PACS2: variants seen among roughly 807,000 people sequenced by gnomAD.
PACS2 encodes the protein PACS1-like protein.
Under a neutral mutation model 113.0 loss-of-function variants are expected in PACS2, and 36 were observed. That is an observed-to-expected ratio of 0.32 (90% confidence interval 0.24 to 0.42). PACS2 has a LOEUF of 0.42. PACS2 is among the 10% of genes least tolerant of loss of function. The pLI, the probability that PACS2 is intolerant of heterozygous loss-of-function variation, is 1.00. For missense variants in PACS2, 1,015 were observed against 1,239.5 expected (o/e 0.82, Z 2.72); for synonymous variants, 589 against 536.1 (o/e 1.10, Z -1.36).
chr14:105,316,660 T>C (rs1320087766), intron 1 of PACS2, among the ~76,000 whole-genome samples: 1 of 151,848 alleles, frequency 6.6e-6, no homozygotes, highest in Non-Finnish European at 1.5e-5. Flanking sequence ...TGTGCTCTAT[T>C]CTCCAGGGGT....
chr14:105,352,748 C>T (rs1177724887), intron 3 of PACS2, among the ~76,000 whole-genome samples: 4 of 142,144 alleles, frequency 2.8e-5, no homozygotes, highest in Non-Finnish European at 6.1e-5. Flanking sequence ...GTGACGGGCA[C>T]CCCCATCACT....
chr14:105,372,373 CTG>C (rs1327640333), intron 8 of PACS2: 1 of 152,212 alleles, frequency 6.6e-6, no homozygotes, highest in Non-Finnish European at 1.5e-5. Flanking sequence ...CGCAAAAAAA[CTG>C]AGGCTTGACA....
chr14:105,331,816 C>T (rs2059313039), intron 1 of PACS2, among the ~76,000 whole-genome samples: 1 of 152,218 alleles, frequency 6.6e-6, no homozygotes, highest in Non-Finnish European at 1.5e-5. Context: ...TTTTGTTTTC[C>T]TGGAGCACAT....
chr14:105,350,530 C>T (rs1555403719), intron 2 of PACS2, among the ~76,000 whole-genome samples: 2 of 152,180 alleles, frequency 1.3e-5, no homozygotes, highest in African/African-American at 4.8e-5. Context: ...CCCTCCCTGC[C>T]CACCCCAGCT....
intron 15 of PACS2, 43 bp downstream of exon 15, chr14:105,382,956 C>A: frequency 8.4e-7 from 1 of 1,184,716 alleles, no homozygotes; most frequent in Non-Finnish European, 1.2e-6. Flanking sequence ...AAGTACCCCT[C>A]GGGGTCCCTG....
At chr14:105,359,269 T>C (rs2141078704) in intron 4 of PACS2, among the ~76,000 whole-genome samples, 1 of 152,206 alleles carries the variant, frequency 6.6e-6, no homozygotes, top group Admixed American at 6.5e-5. Context: ...CAGGCACCAC[T>C]TAATGTCTTT....
intron 1 of PACS2, among the ~76,000 whole-genome samples, chr14:105,318,799 C>T (rs1336013641): frequency 6.6e-6 from 1 of 151,726 alleles, no homozygotes; most frequent in Non-Finnish European, 1.5e-5. Context: ...GCTGGGACTA[C>T]AGGCGCCCGC....
intron 1 of PACS2, among the ~76,000 whole-genome samples, chr14:105,332,384 C>T (rs916484927): frequency 2.6e-5 from 4 of 152,148 alleles, no homozygotes; most frequent in African/African-American, 9.7e-5. Flanking sequence ...GCCTGGTGCC[C>T]GTGATATCAG....
chr14:105,375,159 C>G (rs2061305569), intron 8 of PACS2, among the ~76,000 whole-genome samples: 1 of 151,692 alleles, frequency 6.6e-6, no homozygotes, highest in African/African-American at 2.4e-5. Context: ...TTCTCAAAGA[C>G]AAAGAACAGT....
chr14:105,365,370 C>T lies in PACS2; in HGVS notation c.424-1843C>T, dbSNP rs1378924423. Among the ~76,000 whole-genome samples, 3 of 152,164 alleles carry T rather than the reference C, an allele frequency of 2.0e-5. No homozygotes were observed. Among genetic ancestry groups the T allele is most frequent in the African/African-American group, 7.2e-5 (3 of 41,450 alleles). ...CGGGGCCTGGGACTTCCAGGGCCTG[C>T]AGATATCAAAATAGTGTTCACATAT... On this transcript the variant is annotated intron_variant, in intron 4 of 24. Coordinates refer to ENST00000447393, the MANE Select transcript of PACS2 (RefSeq NM_001100913.3). This position sits in a 1 kb window ranked among gnomAD's most constrained non-coding sequence, Gnocchi z 5.1.
rs1468348773 is a variant in PACS2, at chr14:105,357,103, A to G, written c.423+1926A>G. 6.6e-6 allele frequency among the ~76,000 whole-genome samples: 1 copy of G among 152,062 alleles called. No homozygotes were observed. Among genetic ancestry groups the G allele is most frequent in the Non-Finnish European group, 1.5e-5 (1 of 67,990 alleles). On this transcript the variant is annotated intron_variant, in intron 4 of 24. Transcript: ENST00000447393. This position sits in a 1 kb window ranked among gnomAD's most constrained non-coding sequence, Gnocchi z 5.1. ...GCCCACATCTCTCAGTCTGCACCCC[A>G]GTGCCCCAGGCGGCTCCTCCCAGCC...
intron 22 of PACS2, 26 bp downstream of exon 22, chr14:105,391,792 G>C (rs587640159): frequency 1.3e-6 from 2 of 1,568,098 alleles, no homozygotes; most frequent in East Asian, 2.4e-5. Context: ...GGCTCAGCAC[G>C]TTTCACTTAC....
chr14:105,313,444 G>GAGGA (rs2058407624), upstream of PACS2, among the ~76,000 whole-genome samples: 2 of 152,242 alleles, frequency 1.3e-5, no homozygotes, highest in African/African-American at 4.8e-5. Context: ...TACCACCTTA[G>GAGGA]AGGAGCCAGG....
Position 105,367,891 on chromosome 14 carries a change from CAGTGGACTT to C in PACS2, c.587-182_587-174del, listed in dbSNP as rs782433083. Among the ~76,000 whole-genome samples, 298 of 152,356 alleles carry C rather than the reference CAGTGGACTT, an allele frequency of 2.0e-3. 2 individuals are homozygous for C. The highest frequency in any genetic ancestry group is 3.1e-3 in the South Asian group (15 of 4,830). On this transcript the variant is annotated intron_variant, in intron 5 of 24. Transcript: ENST00000447393. ...TGCCAACCCCGACCTGGACCGTTGC[CAGTGGACTT>C]GGGGGACTCGGGGGCTCGGGGCCAC...
chr14:105,390,071 C>A (rs1028220075), intron 20 of PACS2, 68 bp downstream of exon 20: 3 of 1,357,952 alleles, frequency 2.2e-6, no homozygotes, highest in African/African-American at 1.4e-5. Flanking sequence ...ACAGTCAGAA[C>A]GTTTGGGGAT....
intron 19 of PACS2, 149 bp from the exon 20 acceptor site, chr14:105,389,812 G>A (rs1398441169): frequency 5.4e-6 from 4 of 734,114 alleles, no homozygotes; most frequent in Non-Finnish European, 9.9e-6. Context: ...GGTGGGGCCG[G>A]GACACACAGG....
intron 4 of PACS2, among the ~76,000 whole-genome samples, chr14:105,363,560 G>T (rs2060812493): frequency 6.6e-6 from 1 of 152,160 alleles, no homozygotes; most frequent in African/African-American, 2.4e-5. Context: ...GGGAGTCAGG[G>T]CCTTGCTCCG....
At position 105,381,105 on chromosome 14, in the gene PACS2, G is replaced by A; in HGVS notation, c.1268+6G>A. 1 of 1,610,820 alleles carries A rather than the reference G, an allele frequency of 6.2e-7. No individual in the cohort carries two copies. Among genetic ancestry groups the A allele is most frequent in the African/African-American group, 1.3e-5 (1 of 75,032 alleles). ...CTTGTCATCCCCTCCACCAGGTGAT[G>A]GGGGCTGCACGGCGGGGCGGGGCGG... On this transcript the variant is annotated splice_donor_region_variant and intron_variant, in intron 12 of 24. Coordinates refer to ENST00000447393, the MANE Select transcript of PACS2 (RefSeq NM_001100913.3).
rs12894480 is a variant in PACS2, at chr14:105,365,227, C to T, written c.424-1986C>T. On this transcript the variant is annotated intron_variant, in intron 4 of 24. Coordinates refer to ENST00000447393, the MANE Select transcript of PACS2 (RefSeq NM_001100913.3). The surrounding 1 kb of genome is among the most constrained non-coding windows in gnomAD (Gnocchi z 5.1). ...AATGGCCACAGTCCAGGACAGTGAC[C>T]TGCCGGCCAGCATCACCCCAGGGGA... Among the ~76,000 whole-genome samples the T allele has an allele frequency of 1.6e-3, 247 of 152,324 alleles. No individual in the cohort carries two copies. The highest frequency in any genetic ancestry group is 3.0e-3 in the Non-Finnish European group (201 of 68,022).
Sources: gnomAD v4.1 joint callset for allele counts (sites outside exome capture counted in the v4.1 genomes callset) on GRCh38, gnomAD v4.1.1 for gene constraint, Gnocchi (gnomAD v3.1) non-coding constraint, MANE v1.5 for transcripts, NCBI Gene and HGNC (gene_info 2026-07-23, HGNC 2026-07-21) for gene names.